The following ALS2 variants were observed in gnomAD, a reference collection of about 807,000 sequenced individuals.
ALS2 encodes the protein alsin Rho guanine nucleotide exchange factor ALS2.
In ALS2, 117 loss-of-function variants were observed where a neutral mutation model predicts 203.4. The observed-to-expected ratio is 0.58, with a 90% CI of 0.50 to 0.67. The LOEUF (loss-of-function observed/expected upper bound fraction) is 0.67. ALS2 is among the 30% of genes least tolerant of loss of function. ALS2 has a pLI of 0.00. For missense variants in ALS2, 1,715 were observed against 1,989.4 expected (o/e 0.86, Z 2.62); for synonymous variants, 718 against 725.9 (o/e 0.99, Z 0.17).
intron 16 of ALS2, 21 bp downstream of exon 16, chr2:201,727,684 G>T: frequency 6.5e-7 from 1 of 1,546,938 alleles, no homozygotes; most frequent in Non-Finnish European, 8.7e-7. Flanking sequence ...GGGGTGGGGT[G>T]GGGAGGGGGG....
In ALS2 at chr2:201,741,657, C is replaced by T. The variant is rs766277916; in HGVS notation, c.2351+17G>A. On this transcript the variant is annotated intron_variant, in intron 11 of 33. Transcript: ENST00000264276. ...AACCCTGCAGAGATTGAACATGACACGGGACTGGATACTTGCTCTGTATAA... is the reference window on the plus strand; with the variant it reads ...AACCCTGCAGAGATTGAACATGACATGGGACTGGATACTTGCTCTGTATAA... The T allele has an allele frequency of 2.6e-5, 42 of 1,612,388 alleles. No individual in the cohort carries two copies. The highest frequency in any genetic ancestry group is 2.2e-5 in the South Asian group (2 of 91,018).
intron 3 of ALS2, among the ~76,000 whole-genome samples, chr2:201,764,088 A>G (rs1215382062): frequency 6.6e-6 from 1 of 152,204 alleles, no homozygotes; most frequent in Non-Finnish European, 1.5e-5. Context: ...TAAGGACTCA[A>G]TAGTGGCTAC....
chr2:201,737,702 A>G (rs1691969777), intron 12 of ALS2, among the ~76,000 whole-genome samples: 1 of 152,104 alleles, frequency 6.6e-6, no homozygotes, highest in African/African-American at 2.4e-5. Flanking sequence ...TGGGTGAATC[A>G]CTTGAGGTCA....
intron 13 of ALS2, among the ~76,000 whole-genome samples, chr2:201,733,001 T>C (rs796296437): frequency 3.9e-5 from 6 of 152,310 alleles, no homozygotes; most frequent in African/African-American, 1.4e-4. Flanking sequence ...ACTGAATGAG[T>C]AGCATCTGAT....
At chr2:201,770,489 ACT>A (rs1459465183) in intron 1 of ALS2, among the ~76,000 whole-genome samples, 1 of 151,974 alleles carries the variant, frequency 6.6e-6, no homozygotes, top group African/African-American at 2.4e-5. Context: ...AACTCTACAA[ACT>A]GTTTTTACAA....
intron 4 of ALS2, among the ~76,000 whole-genome samples, chr2:201,758,759 CATGTGTGTGTGT>C (rs1218853926): frequency 7.6e-6 from 1 of 132,004 alleles, no homozygotes; most frequent in Non-Finnish European, 1.6e-5. Flanking sequence ...TGTGTGTGCG[CATGTGTGTGTGT>C]GTGTGTGTGT....
intron 11 of ALS2, among the ~76,000 whole-genome samples, chr2:201,740,132 C>A (rs1378468631): frequency 1.3e-5 from 2 of 152,038 alleles, no homozygotes; most frequent in East Asian, 3.9e-4. Context: ...TGAGACCAGC[C>A]TGGGCAACAT....
rs750441841 is a variant in ALS2, at chr2:201,718,065, C to T, written c.3836+12G>A. On this transcript the variant is annotated intron_variant, in intron 24 of 33. Coordinates refer to ENST00000264276, the MANE Select transcript of ALS2 (RefSeq NM_020919.4). ...TTCAATAATTAATCCAGAATTAACA[C>T]TAGTTACTCACAAAACTTTAGGTCT... 3.1e-6 allele frequency: 5 copies of T among 1,612,422 alleles called. No individual in the cohort carries two copies. Among genetic ancestry groups the T allele is most frequent in the Admixed American group, 3.3e-5 (2 of 60,008 alleles).
chr2:201,708,073 T>A, intron 27 of ALS2, 82 bp from the exon 28 acceptor site: 1 of 1,339,738 alleles, frequency 7.5e-7, no homozygotes, highest in South Asian at 1.2e-5. Flanking sequence ...CCATTAGTTA[T>A]GAGAGCAAGC....
rs763731912 is a variant in ALS2, at chr2:201,711,081, A to G, written c.4032T>C (p.Thr1344=). The change falls in exon 26 of 34, where the codon ACT becomes ACC. Residue 1344 remains threonine, a synonymous_variant. Transcript: ENST00000264276. ...DSPEILSRSQ[T]QTLESLEFIP... ...TGAATTCCAAACTCTCTAGTGTCTG[A>G]GTCTGTGAACGACTCAGTATTTCTG... 1 of 1,611,174 alleles carries G rather than the reference A, an allele frequency of 6.2e-7. No individual in the cohort carries two copies. The highest frequency in any genetic ancestry group is 1.1e-5 in the South Asian group (1 of 91,006).
intron 4 of ALS2, 33 bp downstream of exon 4, chr2:201,760,848 A>G: frequency 1.9e-6 from 3 of 1,598,202 alleles, no homozygotes; most frequent in Non-Finnish European, 2.6e-6. Context: ...TCAACTCTAG[A>G]CACACTTTTA....
chr2:201,737,299 C>T (rs1261674824), intron 12 of ALS2, among the ~76,000 whole-genome samples: 1 of 152,162 alleles, frequency 6.6e-6, no homozygotes, highest in Non-Finnish European at 1.5e-5. Flanking sequence ...GGGACTTGAA[C>T]ATCCTTGAAT....
At chr2:201,724,213 A>C (rs1691002454) in intron 21 of ALS2, 82 bp downstream of exon 21, 1 of 1,457,304 alleles carries the variant, frequency 6.9e-7, no homozygotes, top group African/African-American at 1.4e-5. Flanking sequence ...GAAAAAGACA[A>C]AATAAGTATA....
chr2:201,745,416 C>T (rs977576689), intron 9 of ALS2, among the ~76,000 whole-genome samples: 6 of 151,316 alleles, frequency 4.0e-5, no homozygotes, highest in African/African-American at 1.5e-4. Context: ...GAAAAACAAA[C>T]ACAAAGACTA....
At chr2:201,764,073 A>G (rs865996771) in intron 3 of ALS2, among the ~76,000 whole-genome samples, 2 of 152,230 alleles carry the variant, frequency 1.3e-5, no homozygotes, top group African/African-American at 4.8e-5. Flanking sequence ...CATCATCTAT[A>G]TAAGTAAGGA....
chr2:201,708,086 T>C, intron 27 of ALS2, 95 bp from the exon 28 acceptor site: 1 of 1,127,714 alleles, frequency 8.9e-7, no homozygotes, highest in African/African-American at 1.6e-5. Flanking sequence ...GAGCAAGCTT[T>C]ATTATCAACT....
chr2:201,772,533 T>C (rs934590897), intron 1 of ALS2, among the ~76,000 whole-genome samples: 1 of 152,208 alleles, frequency 6.6e-6, no homozygotes, highest in Non-Finnish European at 1.5e-5. Context: ...CATCGTGTTG[T>C]AGAAATATCA....
intron 10 of ALS2, among the ~76,000 whole-genome samples, chr2:201,743,730 C>T (rs1262422980): frequency 6.6e-6 from 1 of 152,204 alleles, no homozygotes; most frequent in Non-Finnish European, 1.5e-5. Flanking sequence ...CCTCCTCGGC[C>T]TCCCAGAGTG....
In ALS2 at chr2:201,718,253, T is replaced by A. The variant is rs199626208; in HGVS notation, c.3703-43A>T. On this transcript the variant is annotated intron_variant, in intron 23 of 33. Coordinates refer to ENST00000264276, the MANE Select transcript of ALS2 (RefSeq NM_020919.4). ...ATAAAATGTGGGGTTAGAGGAAATA[T>A]ATTCAATATTCATTTATTTATTTAG... The A allele has an allele frequency of 1.2e-3, 1,919 of 1,577,420 alleles. 1 individual carries two copies. The highest frequency in any genetic ancestry group is 1.5e-3 in the Non-Finnish European group (1,775 of 1,147,552).
Sources: allele counts gnomAD v4.1 joint callset (sites outside exome capture counted in the v4.1 genomes callset), GRCh38; gene constraint gnomAD v4.1.1; transcripts MANE v1.5; gene names NCBI Gene and HGNC (gene_info 2026-07-23, HGNC 2026-07-21).